Variants in ASPG observed in about 807,000 individuals in gnomAD.
ASPG encodes the protein asparaginase.
In ASPG, 53 loss-of-function variants were observed where a neutral mutation model predicts 63.2. The observed-to-expected ratio is 0.84, with a 90% CI of 0.67 to 1.05. The LOEUF is 1.05. Among genes scored for constraint, ASPG ranks in the 50% least tolerant of loss-of-function variants. The probability of loss-of-function intolerance (pLI) is 0.00; values close to 1 mark genes in which losing one functional copy is unlikely to be tolerated. For synonymous variants in ASPG, 370 were observed against 355.0 expected (o/e 1.04, Z -0.48); for missense variants, 741 against 794.4 (o/e 0.93, Z 0.81).
chr14:104,096,112 G>A (rs1004948686), intron 4 of ASPG, among the ~76,000 whole-genome samples: 1 of 152,208 alleles, frequency 6.6e-6, no homozygotes, highest in Non-Finnish European at 1.5e-5. Context: ...CATCCTGGGG[G>A]CCCTGGCACA....
intron 8 of ASPG, 53 bp downstream of exon 8, chr14:104,104,539 G>A (rs1307644548): frequency 1.3e-6 from 2 of 1,593,596 alleles, no homozygotes; most frequent in African/African-American, 1.3e-5. Flanking sequence ...TGAGGGCCTG[G>A]CAGAGGTGGG....
At chr14:104,103,776 A>G in intron 7 of ASPG, 101 bp downstream of exon 7, 1 of 1,015,832 alleles carries the variant, frequency 9.8e-7, no homozygotes, top group Non-Finnish European at 1.4e-6. Context: ...CAGCCAGTGC[A>G]GACCCCGCGT....
At chr14:104,102,350 A>G (rs1174427047) in intron 6 of ASPG, among the ~76,000 whole-genome samples, 8 of 151,790 alleles carry the variant, frequency 5.3e-5, no homozygotes, top group Non-Finnish European at 1.5e-5. Context: ...TTTTTATCGC[A>G]TGCAAGCTGC....
At chr14:104,096,304 G>T (rs927261310) in intron 4 of ASPG, among the ~76,000 whole-genome samples, 3 of 152,206 alleles carry the variant, frequency 2.0e-5, no homozygotes, top group African/African-American at 7.2e-5. Context: ...CTTTCCCACG[G>T]CTGAGGCTAA....
chr14:104,095,772 C>T (rs1323469710), intron 4 of ASPG, 116 bp downstream of exon 4: 1 of 1,374,430 alleles, frequency 7.3e-7, no homozygotes, highest in Non-Finnish European at 9.9e-7. Flanking sequence ...CCAGCAGCTC[C>T]TGAGGTGGCT....
At chr14:104,104,217 C>T (rs2037012206) in intron 7 of ASPG, 87 bp from the exon 8 acceptor site, 2 of 1,427,200 alleles carry the variant, frequency 1.4e-6, no homozygotes, top group African/African-American at 1.4e-5. Context: ...GCTTGGGGTC[C>T]CTCTCCTTGG....
intron 2 of ASPG, 76 bp downstream of exon 2, chr14:104,092,817 G>C (rs2140983655): frequency 7.7e-7 from 1 of 1,298,612 alleles, no homozygotes; most frequent in East Asian, 2.5e-5. Flanking sequence ...GGGCACTGCT[G>C]GCCAGGCCCA....
chr14:104,089,809 G>A (rs1322306932), intron 1 of ASPG, among the ~76,000 whole-genome samples: 1 of 152,028 alleles, frequency 6.6e-6, no homozygotes, highest in Non-Finnish European at 1.5e-5. Flanking sequence ...TTAGCTAGGT[G>A]TGGTGGTGCA....
Position 104,110,939 on chromosome 14 carries a change from G to C in ASPG, c.1521-563G>C. On this transcript the variant is annotated intron_variant, in intron 13 of 15. Coordinates refer to ENST00000551177, the MANE Select transcript of ASPG (RefSeq NM_001080464.3). The surrounding 1 kb of genome is among the most constrained non-coding windows in gnomAD (Gnocchi z 4.7). ...GGGCCCAGACCCCTGTCCCAGCCAG[G>C]ACCCCCCCATGCAGTCTGCCGGGGT... The C allele has an allele frequency of 1.0e-6, 1 of 985,356 alleles. No homozygotes were observed. Among genetic ancestry groups the C allele is most frequent in the East Asian group, 1.1e-4 (1 of 8,802 alleles). 61.0% of individuals were successfully genotyped at this position (985,356 alleles called of 1,614,324 possible).
In ASPG at chr14:104,111,604, G is replaced by A. The variant is rs2037386088; in HGVS notation, c.1620+3G>A. ...ACGGGCACAGCGCCCTGCACGTCGT[G>A]AGTGCCCCCACCCCCTGCACCCTCT... On this transcript the variant is annotated splice_donor_region_variant and intron_variant, in intron 14 of 15. Transcript: ENST00000551177. 1.9e-6 allele frequency: 3 copies of A among 1,548,552 alleles called. No homozygotes were observed. The highest frequency in any genetic ancestry group is 1.2e-5 in the South Asian group (1 of 83,818).
intron 1 of ASPG, among the ~76,000 whole-genome samples, chr14:104,090,807 C>T (rs1252768441): frequency 6.6e-6 from 1 of 152,248 alleles, no homozygotes; most frequent in Non-Finnish European, 1.5e-5. Context: ...AAGACACTTC[C>T]ATATGAAGTG....
intron 10 of ASPG, 72 bp downstream of exon 10, chr14:104,105,522 C>T: frequency 6.8e-7 from 1 of 1,467,274 alleles, no homozygotes. Flanking sequence ...TGGGATGCAC[C>T]AGGCAGGCAC....
chr14:104,087,964 T>G (rs1048416117), intron 1 of ASPG, among the ~76,000 whole-genome samples: 16 of 152,174 alleles, frequency 1.1e-4, no homozygotes, highest in Non-Finnish European at 2.4e-4. Flanking sequence ...GATCCCTTGG[T>G]GCTCTGTGCA....
In ASPG at chr14:104,109,419, G is replaced by A; in HGVS notation, c.1520+104G>A. On this transcript the variant is annotated intron_variant, in intron 13 of 15. Transcript: ENST00000551177. The surrounding 1 kb of genome is among the most constrained non-coding windows in gnomAD (Gnocchi z 4.8). ...GGGACAAGTGAGTCAGGGTGTGGGG[G>A]CTTTCAGAGGCGAGGCCCGCTGACC... The A allele has an allele frequency of 2.3e-6, 3 of 1,299,088 alleles. No individual in the cohort carries two copies. The highest frequency in any genetic ancestry group is 3.1e-6 in the Non-Finnish European group (3 of 957,830). 80.5% of individuals were successfully genotyped at this position (1,299,088 alleles called of 1,614,324 possible).
intron 5 of ASPG, among the ~76,000 whole-genome samples, chr14:104,098,551 G>A (rs2036728034): frequency 6.6e-6 from 1 of 152,196 alleles, no homozygotes; most frequent in South Asian, 2.1e-4. Context: ...GGGGCAGTGG[G>A]CAGGTGGGAA....
intron 14 of ASPG, 53 bp downstream of exon 14, chr14:104,111,654 G>A: frequency 2.8e-6 from 4 of 1,433,570 alleles, no homozygotes; most frequent in Non-Finnish European, 3.8e-6. Flanking sequence ...CTCCAGGAAG[G>A]ACACCTGGAC....
chr14:104,086,012 C>G (rs1029393133), intron 1 of ASPG, among the ~76,000 whole-genome samples, 160 bp downstream of exon 1: 9 of 152,120 alleles, frequency 5.9e-5, no homozygotes, highest in African/African-American at 2.2e-4. Context: ...CACCGGCGTC[C>G]CCACGCATGG....
Position 104,106,895 on chromosome 14 carries a change from G to A in ASPG, c.1269+1G>A. On this transcript the variant is annotated splice_donor_variant, in intron 11 of 15. Transcript: ENST00000551177. LOFTEE classifies it high-confidence loss of function. ...GGCGCTGCAGGCGCTTGTGGAGCTG[G>A]TGAGCCTCCCCCACCCTGGGGGCCC... The A allele has an allele frequency of 1.3e-6, 2 of 1,571,212 alleles. No individual in the cohort carries two copies. Among genetic ancestry groups the A allele is most frequent in the East Asian group, 2.3e-5 (1 of 42,708 alleles).
At chr14:104,100,507 C>T (rs1280893095) in intron 6 of ASPG, among the ~76,000 whole-genome samples, 2 of 152,166 alleles carry the variant, frequency 1.3e-5, no homozygotes, top group African/African-American at 2.4e-5. Context: ...AGGGAGGCAC[C>T]GACTCAAGCC....
Sources: gnomAD v4.1 joint callset for allele counts (sites outside exome capture counted in the v4.1 genomes callset) on GRCh38, gnomAD v4.1.1 for gene constraint, Gnocchi (gnomAD v3.1) non-coding constraint, MANE v1.5 for transcripts, NCBI Gene and HGNC (gene_info 2026-07-23, HGNC 2026-07-21) for gene names.